The following ALG12 variants were observed in gnomAD, a reference collection of about 807,000 sequenced individuals.
ALG12 encodes dol-P-Man:Man(7)GlcNAc(2)-PP-Dol alpha-1,6-mannosyltransferase.
In ALG12, 36 loss-of-function variants were observed where a neutral mutation model predicts 46.0. The ratio of observed to expected loss-of-function variants is 0.78; its 90% CI spans 0.60 to 1.03. The LOEUF is 1.03. Among genes scored for constraint, ALG12 ranks in the 50% least tolerant of loss-of-function variants. ALG12 has a pLI of 0.00. For missense variants in ALG12, 599 were observed against 633.5 expected, an observed-to-expected ratio of 0.95 and a Z score of 0.58; for synonymous variants, 326 against 291.6, an observed-to-expected ratio of 1.12 and a Z score of -1.20.
chr22:49,870,872 A>G, the ALG12 span, among the ~76,000 whole-genome samples: 1 of 151,934 alleles, frequency 6.6e-6, no homozygotes, highest in Non-Finnish European at 1.5e-5. Context: ...AATCCACTCA[A>G]TTATTTTGAA....
At chr22:49,909,116 G>A (rs1171101075) in intron 6 of ALG12, 128 bp downstream of exon 6, 6 of 983,578 alleles carry the variant, frequency 6.1e-6, no homozygotes, top group Non-Finnish European at 9.7e-6. Flanking sequence ...GGAGGGAGGG[G>A]CTCCATCCTG....
chr22:49,882,575 C>T, the ALG12 span, among the ~76,000 whole-genome samples: 1 of 152,254 alleles, frequency 6.6e-6, no homozygotes, highest in Non-Finnish European at 1.5e-5. Context: ...CTCCGAGCTT[C>T]GGCTCAGTTA....
rs1195252946 is a variant in ALG12, at chr22:49,904,047, C to T, written c.1258G>A (p.Val420Met). 1.9e-6 allele frequency: 3 copies of T among 1,614,186 alleles called. No individual in the cohort carries two copies. Among genetic ancestry groups the T allele is most frequent in the Non-Finnish European group, 2.5e-6 (3 of 1,180,014 alleles). Residue 420 changes from valine to methionine, a missense_variant, in exon 10 of 10, where the codon GTG (valine) becomes ATG (methionine). By Grantham distance (21) the Val-to-Met change is conservative. Transcript: ENST00000330817. Reference sequence around the variant, plus strand: ...GCCAGCATGCCTGTCCCCGGCTGCACATCCTCCCTCTTGTCGTACCTGTGG... The same window carrying T: ...GCCAGCATGCCTGTCCCCGGCTGCATATCCTCCCTCTTGTCGTACCTGTGG... ...SAWRYDKREDVQPGTGMLAYT... is the reference protein window; with the variant it reads ...SAWRYDKREDMQPGTGMLAYT...
intron 5 of ALG12, 70 bp from the exon 6 acceptor site, chr22:49,909,417 C>G: frequency 4.8e-6 from 7 of 1,443,630 alleles, no homozygotes; most frequent in Non-Finnish European, 6.8e-6. Context: ...ACAATGCAGC[C>G]CCCATCACTA....
the ALG12 span, chr22:49,885,636 C>T: frequency 3.7e-6 from 6 of 1,612,024 alleles, no homozygotes; most frequent in South Asian, 4.4e-5. Context: ...CCAAAAAAAT[C>T]ACAAGTCTCA....
chr22:49,893,340 A>T, the ALG12 span, among the ~76,000 whole-genome samples: 1 of 152,212 alleles, frequency 6.6e-6, no homozygotes, highest in Non-Finnish European at 1.5e-5. Context: ...ATAAATTGAA[A>T]ATAACAACCT....
Position 49,913,830 on chromosome 22 carries a change from C to A in ALG12, c.-65G>T. 1 of 1,592,286 alleles carries A rather than the reference C, an allele frequency of 6.3e-7. No homozygotes were observed. The highest frequency in any genetic ancestry group is 8.6e-7 in the Non-Finnish European group (1 of 1,165,836). ...TGCGAGACACCAGCCGTTAGCACTG[C>A]CACTCCACGCATGCTGGAAAAGTGG... On this transcript the variant is annotated 5_prime_UTR_variant, in exon 2 of 10. Transcript: ENST00000330817.
In ALG12 at chr22:49,905,189, C is replaced by T. The variant is rs540382677; in HGVS notation, c.993-683G>A. ...CGACTATGCCAATCTCAGGATCCTACGGCAGAGTTAGCAGCTGCCACAGAC... is the reference window on the plus strand; with the variant it reads ...CGACTATGCCAATCTCAGGATCCTATGGCAGAGTTAGCAGCTGCCACAGAC... On this transcript the variant is annotated intron_variant, in intron 7 of 9. Transcript: ENST00000330817. This position sits in a 1 kb window ranked among gnomAD's most constrained non-coding sequence, Gnocchi z 4.9. 3.3e-5 allele frequency among the ~76,000 whole-genome samples: 5 copies of T among 152,292 alleles called. No individual in the cohort carries two copies. The highest frequency in any genetic ancestry group is 7.4e-5 in the Non-Finnish European group (5 of 68,026).
In ALG12 at chr22:49,900,682, G is replaced by T. The variant is rs9616365; in HGVS notation, c.*3156C>A. On this transcript the variant is annotated 3_prime_UTR_variant, in exon 10 of 10. Transcript: ENST00000330817. ...ACTGGACTCCCTAGCAGATGCGTGA[G>T]GATGCTGCTGTTGCTGGGGGCCAGG... The T allele has an allele frequency of 6.6e-6, 1 of 152,238 alleles. No individual in the cohort carries two copies. The highest frequency in any genetic ancestry group is 1.9e-4 in the East Asian group (1 of 5,184). The allele number at this position is 152,238 out of a possible 1,614,324, so 9.4% of individuals were successfully genotyped here. A position where few individuals can be genotyped will look rare whatever the true frequency, so the allele number is the denominator to read the frequency against.
At chr22:49,871,758 T>TTTATTTA in the ALG12 span, among the ~76,000 whole-genome samples, 6 of 119,772 alleles carry the variant, frequency 5.0e-5, no homozygotes, top group Non-Finnish European at 9.8e-5. Flanking sequence ...TATTTATTTA[T>TTTATTTA]TTTTTTTTTT....
At chr22:49,912,615 A>G (rs1218122566) in intron 3 of ALG12, among the ~76,000 whole-genome samples, 1 of 152,196 alleles carries the variant, frequency 6.6e-6, no homozygotes, top group Non-Finnish European at 1.5e-5. Context: ...AGCTCTCCAC[A>G]CAAGCTGGAC....
chr22:49,892,142 C>T, the ALG12 span, among the ~76,000 whole-genome samples: 4 of 130,688 alleles, frequency 3.1e-5, no homozygotes, highest in South Asian at 5.0e-4. Flanking sequence ...AAGCCGAGAT[C>T]GTGCCACTGC....
At chr22:49,889,200 A>G in the ALG12 span, 1 of 167,094 alleles carries the variant, frequency 6.0e-6, no homozygotes, top group Admixed American at 6.5e-5. Flanking sequence ...CATATAGTCT[A>G]GTCCACGATT....
chr22:49,905,608 C>T lies in ALG12; in HGVS notation c.993-1102G>A, dbSNP rs921616794. 6.6e-6 allele frequency among the ~76,000 whole-genome samples: 1 copy of T among 152,214 alleles called. No homozygotes were observed. Among genetic ancestry groups the T allele is most frequent in the Non-Finnish European group, 1.5e-5 (1 of 68,052 alleles). ...TCGTCCTGCTTTGGCCACATAAAAG[C>T]GTGCCCGCTTCCCTCTCGCCTTCCG... On this transcript the variant is annotated intron_variant, in intron 7 of 9. Transcript: ENST00000330817. This position sits in a 1 kb window ranked among gnomAD's most constrained non-coding sequence, Gnocchi z 4.9.
At chr22:49,862,695 T>A in the ALG12 span, among the ~76,000 whole-genome samples, 1 of 27,462 alleles carries the variant, frequency 3.6e-5, no homozygotes, top group African/African-American at 4.9e-5. Flanking sequence ...AGTTTTTCCT[T>A]TTTTTTTTTT....
chr22:49,876,322 G>A, the ALG12 span, among the ~76,000 whole-genome samples: 1 of 152,056 alleles, frequency 6.6e-6, no homozygotes. Context: ...AATCTTCCGT[G>A]TCTTTACTGA....
chr22:49,890,778 A>C, the ALG12 span, among the ~76,000 whole-genome samples: 2 of 152,166 alleles, frequency 1.3e-5, no homozygotes, highest in South Asian at 4.1e-4. Flanking sequence ...GCACTTTGGG[A>C]GGCTGAGGTG....
chr22:49,910,108 G>T lies in ALG12; in HGVS notation c.470-20C>A. On this transcript the variant is annotated intron_variant, in intron 4 of 9. Coordinates refer to ENST00000330817, the MANE Select transcript of ALG12 (RefSeq NM_024105.4). Reference sequence around the variant, plus strand: ...GCAGGACTGCAAGACAGTGCGGGAGGGTGCTCGTCAAGACACAGGGCCCAC... The same window carrying T: ...GCAGGACTGCAAGACAGTGCGGGAGTGTGCTCGTCAAGACACAGGGCCCAC... 6.3e-7 allele frequency: 1 copy of T among 1,586,610 alleles called. No individual in the cohort carries two copies. The highest frequency in any genetic ancestry group is 2.3e-5 in the East Asian group (1 of 43,500).
the ALG12 span, among the ~76,000 whole-genome samples, chr22:49,880,731 A>G: frequency 6.6e-6 from 1 of 152,194 alleles, no homozygotes. Flanking sequence ...TTGTATTCCC[A>G]TATCAATTTT....
Sources: allele counts gnomAD v4.1 joint callset (sites outside exome capture counted in the v4.1 genomes callset), GRCh38; gene constraint gnomAD v4.1.1; non-coding constraint Gnocchi (gnomAD v3.1); transcripts MANE v1.5; gene names NCBI Gene and HGNC (gene_info 2026-07-23, HGNC 2026-07-21).